The following DTNB variants were observed in gnomAD, a reference collection of about 807,000 sequenced individuals.
DTNB encodes DTN-B.
A neutral mutation model predicts 90.7 loss-of-function variants in DTNB; 63 were observed. The ratio of observed to expected loss-of-function variants is 0.69; its 90% CI spans 0.57 to 0.86. DTNB has a LOEUF of 0.86. Ranked by LOEUF, DTNB falls within the 40% of genes least tolerant of loss-of-function variation. The pLI, the probability that DTNB is intolerant of heterozygous loss-of-function variation, is 0.00. For missense variants in DTNB, 744 were observed against 807.1 expected, an observed-to-expected ratio of 0.92 and a Z score of 0.95; for synonymous variants, 277 against 286.7, an observed-to-expected ratio of 0.97 and a Z score of 0.34.
intron 10 of DTNB, among the ~76,000 whole-genome samples, chr2:25,458,458 G>C (rs2060400514): frequency 6.6e-6 from 1 of 150,924 alleles, no homozygotes; most frequent in Non-Finnish European, 1.5e-5. Flanking sequence ...TCTTATCTTT[G>C]TTTCCTGGTA....
intron 2 of DTNB, among the ~76,000 whole-genome samples, chr2:25,639,624 C>T (rs968895792): frequency 2.7e-5 from 4 of 149,684 alleles, no homozygotes; most frequent in Non-Finnish European, 1.5e-5. Flanking sequence ...AAAGCCACAA[C>T]AATATTTTCA....
intron 6 of DTNB, among the ~76,000 whole-genome samples, chr2:25,587,980 C>T (rs893961046): frequency 6.6e-6 from 1 of 152,116 alleles, no homozygotes; most frequent in African/African-American, 2.4e-5. Context: ...CATAATCCTT[C>T]GTGACATGTG....
intron 8 of DTNB, among the ~76,000 whole-genome samples, chr2:25,563,067 G>A (rs2058498285): frequency 6.6e-6 from 1 of 152,206 alleles, no homozygotes; most frequent in South Asian, 2.1e-4. Context: ...ACCATGCCCA[G>A]CCTAATCTAC....
chr2:25,538,556 AT>A (rs978778844), intron 8 of DTNB, among the ~76,000 whole-genome samples: 8 of 151,802 alleles, frequency 5.3e-5, no homozygotes, highest in African/African-American at 1.9e-4. Context: ...GGTTCAAGTG[AT>A]TTTCCTGCCT....
At chr2:25,580,221 TC>T (rs1455513968) in intron 7 of DTNB, among the ~76,000 whole-genome samples, 1 of 152,134 alleles carries the variant, frequency 6.6e-6, no homozygotes, top group Non-Finnish European at 1.5e-5. Context: ...TCACAAGTGA[TC>T]CACCCGCTTC....
At chr2:25,535,166 TC>T (rs2079202340) in intron 8 of DTNB, among the ~76,000 whole-genome samples, 1 of 139,678 alleles carries the variant, frequency 7.2e-6, no homozygotes, top group South Asian at 2.3e-4. Flanking sequence ...GCAGAGGTAC[TC>T]CTCACTTCCT....
At chr2:25,458,359 C>T (rs1024644593) in intron 10 of DTNB, among the ~76,000 whole-genome samples, 1 of 150,628 alleles carries the variant, frequency 6.6e-6, no homozygotes, top group Non-Finnish European at 1.5e-5. Flanking sequence ...GCACTGGCAG[C>T]GAGCCGTACT....
At chr2:25,593,105 G>A (rs1176947985) in intron 6 of DTNB, among the ~76,000 whole-genome samples, 2 of 152,210 alleles carry the variant, frequency 1.3e-5, no homozygotes, top group African/African-American at 4.8e-5. Flanking sequence ...ACTGCAGAAA[G>A]TGAAGCAGCT....
intron 6 of DTNB, among the ~76,000 whole-genome samples, chr2:25,582,246 G>C (rs956558177): frequency 3.9e-5 from 6 of 152,196 alleles, no homozygotes; most frequent in Admixed American, 3.9e-4. Flanking sequence ...GTGATGCTTG[G>C]CCTGAAGGAC....
rs1472864714 is a variant in DTNB, at chr2:25,633,897, G to C, written c.148+5117C>G. Among the ~76,000 whole-genome samples the C allele has an allele frequency of 7.9e-5, 12 of 151,334 alleles. No individual in the cohort carries two copies. In the East Asian group the frequency reaches 2.0e-3, roughly 25 times the overall value. Reference sequence around the variant, plus strand: ...TGGGAGGTGAGGAGCGTCTCTGCCCGGCCGCACCGTCTGAGAAGTGAGGAG... The same window carrying C: ...TGGGAGGTGAGGAGCGTCTCTGCCCCGCCGCACCGTCTGAGAAGTGAGGAG... On this transcript the variant is annotated intron_variant, in intron 3 of 20. Transcript: ENST00000406818.
At chr2:25,644,646 C>T (rs1044342373) in intron 2 of DTNB, among the ~76,000 whole-genome samples, 1 of 152,056 alleles carries the variant, frequency 6.6e-6, no homozygotes, top group Non-Finnish European at 1.5e-5. Context: ...CCAGCTACTC[C>T]AGAGGCTGAG....
chr2:25,498,847 CAAAAA>C (rs34017287), intron 9 of DTNB, among the ~76,000 whole-genome samples: 1 of 65,040 alleles, frequency 1.5e-5, no homozygotes, highest in East Asian at 5.6e-4. Flanking sequence ...AACCCTGTCT[CAAAAA>C]AAAAAAAAAA....
At chr2:25,639,551 G>A (rs544929638) in intron 2 of DTNB, among the ~76,000 whole-genome samples, 1 of 151,930 alleles carries the variant, frequency 6.6e-6, no homozygotes, top group East Asian at 1.9e-4. Context: ...ATGAGGGAAC[G>A]GACCGGTTGC....
intron 12 of DTNB, among the ~76,000 whole-genome samples, chr2:25,442,054 C>T (rs921894858): frequency 3.9e-5 from 6 of 152,032 alleles, no homozygotes; most frequent in African/African-American, 1.5e-4. Context: ...TTTTAATAAG[C>T]CCAGAGATTT....
chr2:25,521,613 TGATCCACTCCCAA>T (rs796373212), intron 9 of DTNB, among the ~76,000 whole-genome samples: 49,159 of 151,864 alleles, frequency 0.32, 9,651 homozygotes, highest in African/African-American at 0.54. Flanking sequence ...TGAACTCCTG[TGATCCACTCCCAA>T]CTCAAGTGAT....
At chr2:25,528,243 A>C (rs2077520733) in intron 9 of DTNB, among the ~76,000 whole-genome samples, 2 of 152,210 alleles carry the variant, frequency 1.3e-5, no homozygotes, top group Non-Finnish European at 2.9e-5. Flanking sequence ...TATTTCTAGC[A>C]AACTAGAAAT....
intron 12 of DTNB, 149 bp downstream of exon 12, chr2:25,451,399 A>G: frequency 1.4e-6 from 1 of 737,412 alleles, no homozygotes; most frequent in Non-Finnish European, 2.1e-6. Context: ...AGGGTGAGGA[A>G]GTTTCCTTCT....
At chr2:25,555,024 C>T (rs2057036065) in intron 8 of DTNB, among the ~76,000 whole-genome samples, 3 of 151,942 alleles carry the variant, frequency 2.0e-5, no homozygotes, top group Admixed American at 1.3e-4. Flanking sequence ...GGGCGAGGTA[C>T]AGTGGCTCAT....
chr2:25,515,279 T>C (rs1575284841), intron 9 of DTNB, among the ~76,000 whole-genome samples: 1 of 152,134 alleles, frequency 6.6e-6, no homozygotes, highest in South Asian at 2.1e-4. Context: ...TTGTTAAAAT[T>C]GACAGGTATA....
Sources: gnomAD v4.1 joint callset for allele counts (sites outside exome capture counted in the v4.1 genomes callset) on GRCh38, gnomAD v4.1.1 for gene constraint, MANE v1.5 for transcripts, NCBI Gene and HGNC (gene_info 2026-07-23, HGNC 2026-07-21) for gene names.